Variants in LAS1L observed in about 807,000 individuals in gnomAD.
LAS1L encodes LAS1 like ribosome biogenesis factor.
LAS1L carries 5 observed loss-of-function variants against 57.3 expected under a neutral mutation model. That is an observed-to-expected ratio of 0.09 (90% CI 0.05 to 0.18). The LOEUF (loss-of-function observed/expected upper bound fraction) is 0.18, where lower values mean the gene tolerates loss of function less well. Ranked by LOEUF, LAS1L falls within the 10% of genes least tolerant of loss-of-function variation. The pLI, the probability that LAS1L is intolerant of heterozygous loss-of-function variation, is 1.00. For missense variants in LAS1L, 360 were observed against 568.3 expected (o/e 0.63, Z 3.73); for synonymous variants, 245 against 231.7 (o/e 1.06, Z -0.52).
chrX:65,525,440 A>C (rs1354111193), intron 7 of LAS1L, among the ~76,000 whole-genome samples: 1 of 111,349 alleles, frequency 9.0e-6, no homozygotes, highest in Non-Finnish European at 1.9e-5. Flanking sequence ...CAGTTCTTGC[A>C]GTCTGTTTAT....
intron 3 of LAS1L, 38 bp downstream of exon 3, chrX:65,532,512 TGAGCCCTCTTG>T: frequency 1.0e-6 from 1 of 974,132 alleles, no homozygotes; most frequent in South Asian, 1.9e-5. Context: ...CCCCATTTGG[TGAGCCCTCTTG>T]GAGACAGAAT....
At position 65,529,774 on chromosome X, in the gene LAS1L, C is replaced by T. The variant is rs2069373047; in HGVS notation, c.619G>A (p.Glu207Lys). ...WELEEFREGIEEEDQEEDKNI... is the reference protein window; with the variant it reads ...WELEEFREGIKEEDQEEDKNI... ...TTATCTTCCTCTTGATCCTCTTCCT[C>T]TATCCCTTCCCTGAACTCCTCCAAC... Residue 207 changes from glutamate to lysine, a missense_variant, in exon 5 of 14, where the codon GAG becomes AAG. Transcript: ENST00000374811. The T allele has an allele frequency of 9.1e-6, 11 of 1,211,835 alleles. No individual in the cohort carries two copies. The highest frequency in any genetic ancestry group is 1.1e-5 in the Non-Finnish European group (10 of 895,429).
At chrX:65,519,208 G>A (rs1277388096) in intron 11 of LAS1L, among the ~76,000 whole-genome samples, 1 of 111,670 alleles carries the variant, frequency 9.0e-6, no homozygotes, top group African/African-American at 3.3e-5. Flanking sequence ...GTGCTGCTGC[G>A]TGCAGTGAGT....
intron 8 of LAS1L, 42 bp downstream of exon 8, chrX:65,524,923 G>C: frequency 2.7e-6 from 3 of 1,122,255 alleles, no homozygotes; most frequent in Non-Finnish European, 3.7e-6. Flanking sequence ...TTCCACCCAG[G>C]AATCAGAACC....
chrX:65,515,979 T>G (rs2068614281), intron 12 of LAS1L, among the ~76,000 whole-genome samples: 1 of 111,829 alleles, frequency 8.9e-6, no homozygotes, highest in Admixed American at 9.4e-5. Context: ...CCACACAGTA[T>G]TATATTAAAT....
At chrX:65,524,671 T>A in intron 8 of LAS1L, 57 bp from the exon 9 acceptor site, 1 of 516,402 alleles carries the variant, frequency 1.9e-6, no homozygotes, top group South Asian at 2.6e-5. Flanking sequence ...AATTCTGCTG[T>A]TCTAGCTCTC....
At chrX:65,532,664 A>T in intron 2 of LAS1L, 34 bp from the exon 3 acceptor site, 1 of 1,015,022 alleles carries the variant, frequency 9.9e-7, no homozygotes, top group Non-Finnish European at 1.4e-6. Flanking sequence ...GGCACAGCCC[A>T]AGGAACCATT....
At chrX:65,524,873 T>G in intron 8 of LAS1L, 92 bp downstream of exon 8, 1 of 707,449 alleles carries the variant, frequency 1.4e-6, no homozygotes, top group East Asian at 3.5e-5. Flanking sequence ...GAAACAGCCT[T>G]CACACCCCAA....
Position 65,524,086 on chromosome X carries a change from C to T in LAS1L, c.1270G>A (p.Val424Ile), listed in dbSNP as rs761006702. The T allele has an allele frequency of 5.8e-6, 7 of 1,210,961 alleles. No homozygotes were observed. Among genetic ancestry groups the T allele is most frequent in the East Asian group, 3.0e-5 (1 of 33,812 alleles). ...TTGGTGTTGGCCACGATCAGTTCAA[C>T]GGTCCATCTGAGGATGTAGGTAGGC... ...IRPTYILRWTVELIVANTKTG... is the reference protein window; with the variant it reads ...IRPTYILRWTIELIVANTKTG... Residue 424 changes from valine (V) to isoleucine (I), a missense_variant, in exon 10 of 14, where the codon GTT (valine) becomes ATT (isoleucine). By Grantham distance (29) the Val-to-Ile change is conservative. Coordinates refer to ENST00000374811, the MANE Select transcript of LAS1L (RefSeq NM_031206.7).
chrX:65,523,696 G>A lies in LAS1L; in HGVS notation c.1312C>T (p.Arg438Cys), dbSNP rs1383160458. The A allele has an allele frequency of 2.5e-6, 3 of 1,191,268 alleles. No homozygotes were observed. The highest frequency in any genetic ancestry group is 3.4e-6 in the Non-Finnish European group (3 of 885,301). The change falls in exon 11 of 14, where the codon CGC becomes TGC. Residue 438 changes from arginine (R) to cysteine (C), a missense_variant. Physicochemically the swap from Arg to Cys is radical, Grantham distance 180. Coordinates refer to ENST00000374811, the MANE Select transcript of LAS1L (RefSeq NM_031206.7). ...TCCCACTGGCCTGCAGAAAATCGGC[G>A]AGCATTCCGTCCTGAGAGAGAAGAG... ...VANTKTGRNA[R>C]RFSAGQWEAR... is the part of the protein sequence containing the mutation.
chrX:65,530,091 C>A (rs1311534260), intron 4 of LAS1L, among the ~76,000 whole-genome samples: 1 of 112,678 alleles, frequency 8.9e-6, no homozygotes, highest in African/African-American at 3.2e-5. Context: ...AAAAAAAAAC[C>A]TATTATTGGA....
At chrX:65,521,029 T>C in intron 11 of LAS1L, 1 of 754,347 alleles carries the variant, frequency 1.3e-6, no homozygotes, top group Non-Finnish European at 1.6e-6. Flanking sequence ...TGCCCACCCA[T>C]CCACATCACT....
At chrX:65,516,242 C>A (rs893923976) in intron 12 of LAS1L, among the ~76,000 whole-genome samples, 19 of 111,389 alleles carry the variant, frequency 1.7e-4, no homozygotes, top group Non-Finnish European at 3.6e-4. Context: ...GGAAGTTGTG[C>A]CTGTCTTAAT....
In LAS1L at chrX:65,534,652, C is replaced by A; in HGVS notation, c.64G>T (p.Ala22Ser). The change falls in exon 1 of 14, where the codon GCG (alanine) becomes TCG (serine). Residue 22 changes from alanine (A) to serine (S), a missense_variant. Ala to Ser is a moderately conservative substitution (Grantham distance 99). Coordinates refer to ENST00000374811, the MANE Select transcript of LAS1L (RefSeq NM_031206.7). ...GSQGMDLVWS[A>S]WYGKCVKGKG... is the part of the protein sequence containing the mutation. ...CCTTTAACGCACTTTCCGTACCACG[C>A]ACTCCACACGAGATCCATCCCCTGG... is the stretch of plus-strand genomic sequence containing the variant. 1 of 1,192,126 alleles carries A rather than the reference C, an allele frequency of 8.4e-7. No homozygotes were observed.
At position 65,524,274 on chromosome X, in the gene LAS1L, G is replaced by A. The variant is rs748098548; in HGVS notation, c.1094-12C>T. On this transcript the variant is annotated splice_polypyrimidine_tract_variant and intron_variant, in intron 9 of 13. Transcript: ENST00000374811. The stretch of plus-strand genomic sequence containing the variant: ...CAAGTCCACGTTTTCTGGTTTGTAA[G>A]GGACACCCATTTGGGGGGGCAATAG... The A allele has an allele frequency of 8.5e-7, 1 of 1,183,192 alleles. No individual in the cohort carries two copies. The highest frequency in any genetic ancestry group is 2.2e-5 in the Admixed American group (1 of 45,024).
intron 2 of LAS1L, among the ~76,000 whole-genome samples, chrX:65,533,030 A>G (rs2069579648): frequency 8.9e-6 from 1 of 112,264 alleles, no homozygotes; most frequent in African/African-American, 3.2e-5. Flanking sequence ...GGAAATAGAT[A>G]AGCAAAGACT....
chrX:65,529,432 A>C (rs2069348858), intron 5 of LAS1L, among the ~76,000 whole-genome samples, 162 bp downstream of exon 5: 1 of 111,605 alleles, frequency 9.0e-6, no homozygotes, highest in Admixed American at 9.5e-5. Flanking sequence ...CAGCCATTAT[A>C]CTATGGAAAC....
In LAS1L at chrX:65,527,840, AT is replaced by A. The variant is rs1485709398; in HGVS notation, c.956+419del. On this transcript the variant is annotated intron_variant, in intron 7 of 13. Transcript: ENST00000374811. ...AGAGCAAGACACTTTCTCAAAAAAA[AT>A]AAATAAAAAATAAAAAAAAAACAAG... Among the ~76,000 whole-genome samples the A allele has an allele frequency of 2.6e-3, 288 of 111,124 alleles. 2 individuals are homozygous for A. The highest frequency in any genetic ancestry group is 9.1e-3 in the African/African-American group (274 of 30,234).
intron 4 of LAS1L, among the ~76,000 whole-genome samples, chrX:65,531,029 C>T (rs2069458475): frequency 9.0e-6 from 1 of 111,496 alleles, no homozygotes; most frequent in Admixed American, 9.5e-5. Context: ...GCAAAAAAAC[C>T]TCTGTAGTCA....
Sources: gnomAD v4.1 joint callset for allele counts (sites outside exome capture counted in the v4.1 genomes callset) on GRCh38, gnomAD v4.1.1 for gene constraint, MANE v1.5 for transcripts, NCBI Gene and HGNC (gene_info 2026-07-23, HGNC 2026-07-21) for gene names.